The following FN1 variants were observed in gnomAD, a reference collection of about 807,000 sequenced individuals.
The protein encoded by FN1 is fibronectin 1, also known as fibronectin.
In FN1, 106 loss-of-function variants were observed where a neutral mutation model predicts 297.3. The ratio of observed to expected loss-of-function variants is 0.36; its 90% CI spans 0.30 to 0.42. The LOEUF (loss-of-function observed/expected upper bound fraction) is 0.42. Among genes scored for constraint, FN1 ranks in the 10% least tolerant of loss-of-function variants. The pLI is 1.00. For synonymous variants in FN1, 1,149 were observed against 1,152.6 expected (o/e 1.00, Z 0.06); for missense variants, 2,690 against 3,124.9 (o/e 0.86, Z 3.32).
At chr2:215,384,714 CT>C (rs1247506017) in intron 29 of FN1, 145 bp downstream of exon 29, 8 of 662,672 alleles carry the variant, frequency 1.2e-5, no homozygotes, top group Non-Finnish European at 2.2e-5. Flanking sequence ...TCATCTATAT[CT>C]TACGTATTTT....
rs146449490 is a variant in FN1, at chr2:215,374,442, G to A, written c.6157+772C>T. Among the ~76,000 whole-genome samples, 1,298 of 152,254 alleles carry A rather than the reference G, an allele frequency of 8.5e-3. 12 individuals are homozygous for A. The highest frequency in any genetic ancestry group is 0.016 in the South Asian group (79 of 4,826). ...GAGGAGGTGATTGGATCATGGGGTG[G>A]TTCCCCCAGGCTGTTCTCATGATAG... On this transcript the variant is annotated intron_variant, in intron 38 of 45. Transcript: ENST00000354785.
rs1256920142 is a variant in FN1, at chr2:215,409,975, C to T, written c.2081G>A (p.Arg694His). The T allele has an allele frequency of 8.7e-6, 14 of 1,613,766 alleles. No individual in the cohort carries two copies. Among genetic ancestry groups the T allele is most frequent in the Admixed American group, 1.7e-5 (1 of 59,978 alleles). ...GGTGCTGGTGGTGGTGAAGTCAAAG[C>T]GAGTCACTTCTTGGTGGCCGTACTG... ...IQQYGHQEVT[R>H]FDFTTTSTST... is the part of the protein sequence containing the mutation. The change falls in exon 14 of 46, where the codon CGC (arginine) becomes CAC (histidine). Residue 694 changes from arginine (R) to histidine (H), a missense_variant. Around this residue, in one of 3 missense-constraint regions of FN1, gnomAD observed 876 missense variants for 1,058.1 expected, o/e 0.83. Transcript: ENST00000354785.
chr2:215,378,988 T>C (rs2057783101), intron 34 of FN1, 142 bp downstream of exon 34: 2 of 838,002 alleles, frequency 2.4e-6, no homozygotes, highest in Admixed American at 2.1e-5. Context: ...AGGAATTCCG[T>C]TGATATAAAA....
At chr2:215,404,313 G>GT (rs2061496011) in intron 20 of FN1, 76 bp downstream of exon 20, 5 of 1,335,978 alleles carry the variant, frequency 3.7e-6, no homozygotes, top group African/African-American at 1.6e-5. Context: ...TTTTTGTTTT[G>GT]TTTTGTTTTG....
At chr2:215,386,453 A>G (rs1361048643) in intron 28 of FN1, among the ~76,000 whole-genome samples, 1 of 151,890 alleles carries the variant, frequency 6.6e-6, no homozygotes, top group Non-Finnish European at 1.5e-5. Flanking sequence ...ATTTCTTGAG[A>G]GGAAAAAAAT....
At position 215,375,388 on chromosome 2, in the gene FN1, C is replaced by T. The variant is rs201097962; in HGVS notation, c.5983G>A (p.Asp1995Asn). The change falls in exon 38 of 46, where the codon GAT becomes AAT. Residue 1995 changes from aspartate (D) to asparagine (N), a missense_variant. Asp to Asn is a conservative substitution (Grantham distance 23). Around this residue, in one of 3 missense-constraint regions of FN1, gnomAD observed 1,743 missense variants for 1,945.2 expected, o/e 0.90. Transcript: ENST00000354785. ...AGGAAACGCAGGTTGGATGGTGCAT[C>T]AATGGCTGAAAGAAAACAAAATTAA... ...PVVIDASTAIDAPSNLRFLAT... is the reference protein window; with the variant it reads ...PVVIDASTAINAPSNLRFLAT... 1.2e-5 allele frequency: 19 copies of T among 1,604,856 alleles called. No individual in the cohort carries two copies. In the East Asian group the frequency reaches 3.5e-4, roughly 30 times the overall value.
intron 20 of FN1, among the ~76,000 whole-genome samples, chr2:215,401,210 GAAAGAAA>G (rs1559474410): frequency 2.9e-3 from 94 of 32,696 alleles, no homozygotes; most frequent in Middle Eastern, 0.014. Context: ...AAGAAAGAAA[GAAAGAAA>G]GAAAGAAAGA....
chr2:215,413,366 G>A (rs755546079), intron 13 of FN1, among the ~76,000 whole-genome samples: 2 of 152,140 alleles, frequency 1.3e-5, no homozygotes, highest in African/African-American at 4.8e-5. Flanking sequence ...TAATCTGCCC[G>A]GCTTGGCCTC....
intron 13 of FN1, among the ~76,000 whole-genome samples, chr2:215,412,760 C>CT (rs10524797): frequency 0.28 from 27,318 of 96,156 alleles, 4,533 homozygotes; most frequent in South Asian, 0.39. Context: ...TATTAAGTAT[C>CT]TTTTTTTTTT....
intron 17 of FN1, among the ~76,000 whole-genome samples, chr2:215,407,652 G>A (rs1357023553): frequency 6.6e-6 from 1 of 152,162 alleles, no homozygotes; most frequent in Non-Finnish European, 1.5e-5. Context: ...GACGAGGGAA[G>A]CAATTAATGA....
In FN1 at chr2:215,408,216, G is replaced by A. The variant is rs1234874123; in HGVS notation, c.2429-19C>T. On this transcript the variant is annotated intron_variant, in intron 16 of 45. Transcript: ENST00000354785. The stretch of plus-strand genomic sequence containing the variant: ...TCAGGCGCTAAGAAAGAAAGAAAGT[G>A]GGGCAAACAGTCAGGAAGTGCTACT... 1.9e-6 allele frequency: 3 copies of A among 1,611,052 alleles called. No homozygotes were observed. Among genetic ancestry groups the A allele is most frequent in the African/African-American group, 2.7e-5 (2 of 74,824 alleles).
chr2:215,385,034 C>T, intron 28 of FN1, 58 bp from the exon 29 acceptor site: 2 of 1,182,268 alleles, frequency 1.7e-6, no homozygotes, highest in Middle Eastern at 1.9e-4. Context: ...TTCAGATTTA[C>T]TGTTTGTTCA....
intron 6 of FN1, 30 bp downstream of exon 6, chr2:215,428,150 T>C (rs762880479): frequency 2.4e-5 from 38 of 1,612,998 alleles, no homozygotes; most frequent in Non-Finnish European, 3.0e-5. Context: ...TGCTTCCCCA[T>C]TTCCCGCCCC....
chr2:215,398,200 A>T (rs530120232), intron 21 of FN1, among the ~76,000 whole-genome samples: 1 of 152,332 alleles, frequency 6.6e-6, no homozygotes, highest in Non-Finnish European at 1.5e-5. Flanking sequence ...TGCTAGAAGG[A>T]ATGTCTGAGC....
At chr2:215,426,039 G>A (rs1428880496) in intron 6 of FN1, among the ~76,000 whole-genome samples, 3 of 151,878 alleles carry the variant, frequency 2.0e-5, no homozygotes, top group African/African-American at 7.3e-5. Context: ...TTCTCCTCTG[G>A]ATTATTTGTG....
chr2:215,405,887 A>G (rs967791930), intron 19 of FN1, among the ~76,000 whole-genome samples: 10 of 152,224 alleles, frequency 6.6e-5, no homozygotes, highest in Non-Finnish European at 1.2e-4. Context: ...TGCTATTGTT[A>G]AATGAATTCT....
intron 25 of FN1, 75 bp from the exon 26 acceptor site, chr2:215,391,889 A>G (rs2059748470): frequency 7.7e-7 from 1 of 1,295,736 alleles, no homozygotes; most frequent in African/African-American, 1.5e-5. Context: ...TGGAAAGGTA[A>G]AATCAATATT....
rs901163447 is a variant in FN1, at chr2:215,414,953, T to C, written c.1825A>G (p.Ser609Gly). The C allele has an allele frequency of 3.1e-6, 5 of 1,613,356 alleles. No homozygotes were observed. Among genetic ancestry groups the C allele is most frequent in the Non-Finnish European group, 4.2e-6 (5 of 1,179,386 alleles). The change falls in exon 13 of 46, where the codon AGT (serine) becomes GGT (glycine). Residue 609 changes from serine to glycine, a missense_variant. This residue lies in a region of FN1 where 876 missense variants were observed against 1,058.1 expected (regional missense o/e 0.83). Transcript: ENST00000354785. ...CQPLQTYPSS[S>G]GPVEVFITET... ...GTGATAAATACTTCGACAGGACCACTTGAGCCTGAAAATGAAAATGTAGCA... is the reference window on the plus strand; with the variant it reads ...GTGATAAATACTTCGACAGGACCACCTGAGCCTGAAAATGAAAATGTAGCA...
At chr2:215,361,705 G>A in intron 45 of FN1, 79 bp from the exon 46 acceptor site, 1 of 1,162,876 alleles carries the variant, frequency 8.6e-7, no homozygotes, top group Non-Finnish European at 1.3e-6. Context: ...GGGGAGGTGG[G>A]GACTCATGAC....
Sources: gnomAD v4.1 joint callset for allele counts (sites outside exome capture counted in the v4.1 genomes callset) on GRCh38, gnomAD v4.1.1 for gene constraint, gnomAD v4.1.1 regional missense constraint, MANE v1.5 for transcripts, NCBI Gene and HGNC (gene_info 2026-07-23, HGNC 2026-07-21) for gene names.